The following CDH8 variants were observed in gnomAD, a reference collection of about 807,000 sequenced individuals.
The protein encoded by CDH8 is cadherin 8, also known as cadherin-8.
A neutral mutation model predicts 68.1 loss-of-function variants in CDH8; 17 were observed. The ratio of observed to expected loss-of-function variants is 0.25; its 90% CI spans 0.17 to 0.37. The LOEUF (loss-of-function observed/expected upper bound fraction) is 0.37, where lower values mean the gene tolerates loss of function less well. CDH8 is among the 10% of genes least tolerant of loss of function. The pLI, the probability that CDH8 is intolerant of heterozygous loss-of-function variation, is 1.00. For synonymous variants in CDH8, 372 were observed against 365.1 expected (o/e 1.02, Z -0.21); for missense variants, 763 against 999.3 (o/e 0.76, Z 3.19).
chr16:61,988,540 G>A (rs1404230863), intron 2 of CDH8, among the ~76,000 whole-genome samples: 3 of 151,846 alleles, frequency 2.0e-5, no homozygotes, highest in African/African-American at 7.3e-5. Flanking sequence ...CACTTCTCAG[G>A]GCCAGTCTCC....
rs549996280 is a variant in CDH8, at chr16:61,661,162, G to A, written c.1655-5441C>T. ...ATCTAGAAATTAAAAAGTAATAGTGGCATACTCTAATATCTCACTTTCAAT... is the reference window on the plus strand; with the variant it reads ...ATCTAGAAATTAAAAAGTAATAGTGACATACTCTAATATCTCACTTTCAAT... On this transcript the variant is annotated intron_variant, in intron 10 of 11. Transcript: ENST00000577390. Among the ~76,000 whole-genome samples the A allele has an allele frequency of 7.9e-5, 12 of 151,876 alleles. No homozygotes were observed. The South Asian group carries it at 2.5e-3, about 32-fold the overall frequency.
At chr16:61,721,823 T>C (rs1959220771) in intron 9 of CDH8, among the ~76,000 whole-genome samples, 2 of 150,820 alleles carry the variant, frequency 1.3e-5, no homozygotes, top group African/African-American at 4.8e-5. Flanking sequence ...AAATTCATTT[T>C]TGCCACTTTT....
intron 8 of CDH8, among the ~76,000 whole-genome samples, chr16:61,783,644 C>T (rs1239240727): frequency 1.4e-4 from 21 of 150,060 alleles, no homozygotes; most frequent in African/African-American, 4.9e-4. Flanking sequence ...GTCAGATTCA[C>T]CAAAGTTGAA....
chr16:61,816,025 C>A (rs971752052), intron 7 of CDH8, among the ~76,000 whole-genome samples: 1 of 151,918 alleles, frequency 6.6e-6, no homozygotes, highest in Non-Finnish European at 1.5e-5. Context: ...ATTTTCTTAG[C>A]CAAATACCCT....
At chr16:61,944,664 G>A (rs1248807535) in intron 2 of CDH8, among the ~76,000 whole-genome samples, 1 of 152,118 alleles carries the variant, frequency 6.6e-6, no homozygotes, top group Non-Finnish European at 1.5e-5. Context: ...GGAGCAGGCG[G>A]GGTGTGGTGG....
chr16:61,665,569 T>C (rs1031388268), intron 10 of CDH8, among the ~76,000 whole-genome samples: 1 of 151,774 alleles, frequency 6.6e-6, no homozygotes, highest in African/African-American at 2.4e-5. Flanking sequence ...GCTTAAAACC[T>C]AGAAGACAGG....
chr16:61,820,519 C>T (rs891038039), intron 6 of CDH8, among the ~76,000 whole-genome samples: 6 of 151,792 alleles, frequency 4.0e-5, no homozygotes, highest in Non-Finnish European at 8.8e-5. Context: ...AATCCTTTTA[C>T]AATCTTAAAC....
chr16:61,858,002 G>A (rs1963078297), intron 3 of CDH8, among the ~76,000 whole-genome samples: 1 of 151,508 alleles, frequency 6.6e-6, no homozygotes, highest in Non-Finnish European at 1.5e-5. Flanking sequence ...ACATTTTGAT[G>A]CCATTAAAAA....
At chr16:61,881,345 G>A in intron 3 of CDH8, among the ~76,000 whole-genome samples, 1 of 151,886 alleles carries the variant, frequency 6.6e-6, no homozygotes, top group East Asian at 1.9e-4. Flanking sequence ...GGAACTCAGA[G>A]GAAAAGTCAG....
Position 61,817,470 on chromosome 16 carries a change from T to C in CDH8, c.1277+9A>G. The C allele has an allele frequency of 6.2e-7, 1 of 1,613,768 alleles. No homozygotes were observed. ...GCAGTAGCCAGTATTCCTTTTAAAATAAAAATACCTTATAGGACTGGAAGT... is the reference window on the plus strand; with the variant it reads ...GCAGTAGCCAGTATTCCTTTTAAAACAAAAATACCTTATAGGACTGGAAGT... On this transcript the variant is annotated intron_variant, in intron 7 of 11. Coordinates refer to ENST00000577390, the MANE Select transcript of CDH8 (RefSeq NM_001796.5).
intron 7 of CDH8, among the ~76,000 whole-genome samples, chr16:61,792,486 C>T (rs1037004320): frequency 6.6e-5 from 10 of 152,074 alleles, no homozygotes; most frequent in African/African-American, 1.4e-4. Context: ...TCTGACTCAA[C>T]GTTTTGGTCA....
At chr16:61,676,241 T>G (rs1963908587) in intron 10 of CDH8, among the ~76,000 whole-genome samples, 1 of 150,004 alleles carries the variant, frequency 6.7e-6, no homozygotes, top group Non-Finnish European at 1.5e-5. Flanking sequence ...TATATATAAA[T>G]ATACAACTAG....
At chr16:61,875,137 A>C (rs1338196453) in intron 3 of CDH8, among the ~76,000 whole-genome samples, 1 of 152,220 alleles carries the variant, frequency 6.6e-6, no homozygotes, top group Non-Finnish European at 1.5e-5. Flanking sequence ...TTTTCCCAGA[A>C]TATATCATGC....
chr16:61,663,084 G>T (rs1485593594), intron 10 of CDH8, among the ~76,000 whole-genome samples: 2 of 151,982 alleles, frequency 1.3e-5, no homozygotes, highest in East Asian at 3.9e-4. Context: ...TGCATCCAAT[G>T]ACAATATTCC....
intron 2 of CDH8, among the ~76,000 whole-genome samples, chr16:62,013,815 C>G (rs566046201): frequency 1.3e-5 from 2 of 152,206 alleles, no homozygotes; most frequent in East Asian, 3.9e-4. Flanking sequence ...TACTGACTAT[C>G]TTGTTGCAAT....
chr16:61,737,806 A>C (rs1386004606), intron 8 of CDH8, among the ~76,000 whole-genome samples: 1 of 152,096 alleles, frequency 6.6e-6, no homozygotes, highest in African/African-American at 2.4e-5. Context: ...GTTCAAATGC[A>C]GACTTTTGAC....
At position 61,741,224 on chromosome 16, in the gene CDH8, CT is replaced by C. The variant is rs571122524; in HGVS notation, c.1415-14010del. 3.9e-4 allele frequency among the ~76,000 whole-genome samples: 59 copies of C among 152,164 alleles called. 1 individual carries two copies. Among genetic ancestry groups the C allele is most frequent in the African/African-American group, 1.4e-3 (58 of 41,540 alleles). The stretch of plus-strand genomic sequence containing the variant: ...TTGTGAAATACCTGTTCAAATTTTC[CT>C]TTGTTAATTAAGTTGCCTATATTTT... On this transcript the variant is annotated intron_variant, in intron 8 of 11. Transcript: ENST00000577390.
At chr16:61,961,227 A>G (rs1053473296) in intron 2 of CDH8, among the ~76,000 whole-genome samples, 13 of 152,020 alleles carry the variant, frequency 8.6e-5, no homozygotes, top group Non-Finnish European at 1.9e-4. Flanking sequence ...AGGCGGAAGA[A>G]TCGCTTGAAC....
chr16:61,985,918 C>CTTTTTTTTT (rs71134380), intron 2 of CDH8, among the ~76,000 whole-genome samples: 99 of 91,110 alleles, frequency 1.1e-3, no homozygotes, highest in Non-Finnish European at 1.2e-3. Flanking sequence ...CCTTTCTTTA[C>CTTTTTTTTT]TTTTTTTTTT....
Sources: gnomAD v4.1 joint callset for allele counts (sites outside exome capture counted in the v4.1 genomes callset) on GRCh38, gnomAD v4.1.1 for gene constraint, MANE v1.5 for transcripts, NCBI Gene and HGNC (gene_info 2026-07-23, HGNC 2026-07-21) for gene names.